SH3RF1: variants seen among roughly 807,000 people sequenced by gnomAD.
SH3RF1 encodes E3 ubiquitin-protein ligase SH3RF1.
SH3RF1 carries 32 observed loss-of-function variants against 74.0 expected under a neutral mutation model. That is an observed-to-expected ratio of 0.43 (90% confidence interval 0.33 to 0.58). SH3RF1 has a LOEUF of 0.58. Among genes scored for constraint, SH3RF1 ranks in the 20% least tolerant of loss-of-function variants. The probability of loss-of-function intolerance (pLI) is 0.05; values close to 1 mark genes in which losing one functional copy is unlikely to be tolerated. For missense variants in SH3RF1, 954 were observed against 1,130.9 expected, an observed-to-expected ratio of 0.84 and a Z score of 2.24; for synonymous variants, 396 against 439.6, an observed-to-expected ratio of 0.90 and a Z score of 1.24.
intron 2 of SH3RF1, among the ~76,000 whole-genome samples, chr4:169,218,172 T>C (rs1730495900): frequency 6.8e-6 from 1 of 146,298 alleles, no homozygotes; most frequent in Non-Finnish European, 1.5e-5. Context: ...TCAATATATG[T>C]TAATGATATG....
At chr4:169,106,713 G>A in intron 11 of SH3RF1, 134 bp downstream of exon 11, 1 of 724,984 alleles carries the variant, frequency 1.4e-6, no homozygotes. Flanking sequence ...AAGAAATTCA[G>A]TGCTTATTTT....
chr4:169,203,232 T>A (rs1452254454), intron 2 of SH3RF1, among the ~76,000 whole-genome samples: 1 of 152,148 alleles, frequency 6.6e-6, no homozygotes, highest in East Asian at 1.9e-4. Context: ...ATCTTGCTCT[T>A]TGTAGTTGAA....
chr4:169,181,302 G>T (rs2126979008), intron 2 of SH3RF1, among the ~76,000 whole-genome samples: 1 of 116,532 alleles, frequency 8.6e-6, no homozygotes, highest in Non-Finnish European at 1.6e-5. Context: ...TTGCTCTGTT[G>T]CCCAGGCTGG....
rs1329139072 is a variant in SH3RF1, at chr4:169,120,916, C to T, written c.1420G>A (p.Val474Met). 4.0e-5 allele frequency: 65 copies of T among 1,614,064 alleles called. No homozygotes were observed. The highest frequency in any genetic ancestry group is 5.3e-5 in the Non-Finnish European group (62 of 1,180,034). The change falls in exon 8 of 12, where the codon GTG becomes ATG. Residue 474 changes from valine to methionine, a missense_variant. By Grantham distance (21) the Val-to-Met change is conservative. Around this residue, in one of 3 missense-constraint regions of SH3RF1, gnomAD observed 854 missense variants for 962.5 expected, o/e 0.89. Transcript: ENST00000284637. ...CAGCCATCCTGGCAGCGCTCAAACA[C>T]TAAAAACATCTCCCCTTTTCTCAGC... ...LELRKGEMFL[V>M]FERCQDGWFK...
intron 2 of SH3RF1, among the ~76,000 whole-genome samples, chr4:169,230,129 CA>C (rs1579151729): frequency 6.6e-6 from 1 of 152,308 alleles, no homozygotes; most frequent in East Asian, 1.9e-4. Context: ...TGCTTGAACC[CA>C]GGGGCGGAGG....
At chr4:169,129,789 T>C (rs1733582457) in intron 6 of SH3RF1, among the ~76,000 whole-genome samples, 1 of 152,226 alleles carries the variant, frequency 6.6e-6, no homozygotes, top group African/African-American at 2.4e-5. Context: ...GGTTGAACTT[T>C]AATGAAAATT....
intron 2 of SH3RF1, among the ~76,000 whole-genome samples, chr4:169,235,417 G>C (rs1481635056): frequency 6.6e-6 from 1 of 152,136 alleles, no homozygotes; most frequent in Non-Finnish European, 1.5e-5. Context: ...CAATTTTTAA[G>C]TCCCTTCCAT....
intron 2 of SH3RF1, among the ~76,000 whole-genome samples, chr4:169,175,214 C>A (rs1056620843): frequency 3.3e-5 from 5 of 152,110 alleles, no homozygotes; most frequent in Admixed American, 3.3e-4. Flanking sequence ...TCTACTGCTA[C>A]CAGCCCAAGC....
intron 2 of SH3RF1, among the ~76,000 whole-genome samples, chr4:169,268,537 TG>T (rs1438724668): frequency 1.3e-5 from 2 of 152,318 alleles, no homozygotes; most frequent in Admixed American, 1.3e-4. Flanking sequence ...GAACAAAAGC[TG>T]GTTTAGATTT....
intron 2 of SH3RF1, among the ~76,000 whole-genome samples, chr4:169,193,370 G>A (rs1734760172): frequency 6.6e-6 from 1 of 152,056 alleles, no homozygotes; most frequent in Admixed American, 6.6e-5. Context: ...TTAACTTTCA[G>A]CAGAAAAGCT....
chr4:169,163,788 G>A (rs760001517), intron 2 of SH3RF1, among the ~76,000 whole-genome samples: 3 of 152,010 alleles, frequency 2.0e-5, no homozygotes, highest in Non-Finnish European at 4.4e-5. Context: ...AAAATTCATC[G>A]AGAACAGTCC....
At chr4:169,180,372 ATTG>A (rs1003817952) in intron 2 of SH3RF1, among the ~76,000 whole-genome samples, 2 of 152,214 alleles carry the variant, frequency 1.3e-5, no homozygotes, top group African/African-American at 4.8e-5. Flanking sequence ...ACCTCATTGA[ATTG>A]TTGACATTAC....
chr4:169,192,688 C>T (rs3109090), intron 2 of SH3RF1, among the ~76,000 whole-genome samples: 71,036 of 151,448 alleles, frequency 0.47, 17,933 homozygotes, highest in East Asian at 0.78. Context: ...CTTGAACACA[C>T]GTTTACAGCA....
chr4:169,123,164 G>A (rs1053110237), intron 6 of SH3RF1, among the ~76,000 whole-genome samples: 1 of 152,152 alleles, frequency 6.6e-6, no homozygotes, highest in African/African-American at 2.4e-5. Flanking sequence ...AGTGTAAATG[G>A]CTTCTATATG....
chr4:169,206,429 T>C (rs1354150991), intron 2 of SH3RF1, among the ~76,000 whole-genome samples: 2 of 152,154 alleles, frequency 1.3e-5, no homozygotes, highest in African/African-American at 4.8e-5. Context: ...TTCCAGTACT[T>C]TGGGAAGCCA....
intron 2 of SH3RF1, among the ~76,000 whole-genome samples, chr4:169,262,738 A>G (rs1340983837): frequency 1.3e-5 from 2 of 152,228 alleles, no homozygotes; most frequent in African/African-American, 4.8e-5. Flanking sequence ...GATTATGGTT[A>G]CATGACACTT....
chr4:169,097,216 C>T (rs13103458), intron 11 of SH3RF1, among the ~76,000 whole-genome samples: 144,287 of 152,152 alleles, frequency 0.95, 68,880 homozygotes, highest in East Asian at 1. Flanking sequence ...TGTGTCCCTA[C>T]GTCCCTTACA....
chr4:169,144,187 G>A (rs985235632), intron 4 of SH3RF1, among the ~76,000 whole-genome samples: 1 of 152,188 alleles, frequency 6.6e-6, no homozygotes, highest in Non-Finnish European at 1.5e-5. Flanking sequence ...ATGAACATGA[G>A]TTATTCTTAC....
chr4:169,114,915 C>T (rs942519580), intron 10 of SH3RF1, among the ~76,000 whole-genome samples: 5 of 152,122 alleles, frequency 3.3e-5, no homozygotes, highest in African/African-American at 1.2e-4. Flanking sequence ...AGTCTATGAT[C>T]GCCCTCAAAC....
Sources: gnomAD v4.1 joint callset for allele counts (sites outside exome capture counted in the v4.1 genomes callset) on GRCh38, gnomAD v4.1.1 for gene constraint, gnomAD v4.1.1 regional missense constraint, MANE v1.5 for transcripts, NCBI Gene and HGNC (gene_info 2026-07-23, HGNC 2026-07-21) for gene names.